The following DLC1 variants were observed in gnomAD, a reference collection of about 807,000 sequenced individuals.
DLC1 encodes the protein rho GTPase-activating protein 7.
A neutral mutation model predicts 140.3 loss-of-function variants in DLC1; 54 were observed. That is an observed-to-expected ratio of 0.38 (90% CI 0.31 to 0.48). The LOEUF is 0.48. DLC1 is among the 20% of genes least tolerant of loss of function. DLC1 has a pLI of 0.96. For missense variants in DLC1, 2,536 were observed against 1,907.0 expected (o/e 1.33, Z -6.14); for synonymous variants, 986 against 728.1 (o/e 1.35, Z -5.70).
chr8:13,278,704 C>CT (rs1414021619), intron 5 of DLC1, among the ~76,000 whole-genome samples: 4 of 152,118 alleles, frequency 2.6e-5, no homozygotes, highest in African/African-American at 9.7e-5. Flanking sequence ...AGCTGATTGT[C>CT]TGAGTCGTGC....
At chr8:13,393,177 C>G (rs1836845701) in intron 4 of DLC1, among the ~76,000 whole-genome samples, 1 of 152,084 alleles carries the variant, frequency 6.6e-6, no homozygotes, top group Admixed American at 6.6e-5. Context: ...CATCTGTCGT[C>G]TATCATTCAT....
intron 5 of DLC1, among the ~76,000 whole-genome samples, chr8:13,177,290 C>G (rs1232905694): frequency 6.6e-6 from 1 of 152,002 alleles, no homozygotes; most frequent in Non-Finnish European, 1.5e-5. Flanking sequence ...TTCTATTGTG[C>G]TAAAAAGTGT....
At chr8:13,502,862 T>A (rs1801883912) in intron 1 of DLC1, among the ~76,000 whole-genome samples, 1 of 152,206 alleles carries the variant, frequency 6.6e-6, no homozygotes, top group African/African-American at 2.4e-5. Flanking sequence ...CATTTCAGGA[T>A]GTTGGTTTTA....
At chr8:13,543,276 T>C (rs186627980) in intron 1 of DLC1, among the ~76,000 whole-genome samples, 199 of 152,332 alleles carry the variant, frequency 1.3e-3, no homozygotes, top group Non-Finnish European at 1.9e-3. Context: ...TTGTAGTCTT[T>C]CGTGAAGTAG....
intron 1 of DLC1, among the ~76,000 whole-genome samples, chr8:13,544,330 A>G (rs1484505797): frequency 6.6e-6 from 1 of 152,166 alleles, no homozygotes; most frequent in Admixed American, 6.5e-5. Flanking sequence ...CATTTTTATC[A>G]GTGATTGTTC....
intron 5 of DLC1, among the ~76,000 whole-genome samples, chr8:13,174,943 A>G (rs1307419528): frequency 6.6e-6 from 1 of 152,138 alleles, no homozygotes. Flanking sequence ...AAGGCAAAGA[A>G]TTGATACTCA....
chr8:13,145,041 T>C (rs1225345328), intron 5 of DLC1, among the ~76,000 whole-genome samples: 1 of 152,200 alleles, frequency 6.6e-6, no homozygotes, highest in Non-Finnish European at 1.5e-5. Context: ...CAAAAGTATT[T>C]ATAAATTATA....
chr8:13,132,913 A>T, intron 5 of DLC1: 1 of 1,578,896 alleles, frequency 6.3e-7, no homozygotes, highest in South Asian at 1.2e-5. Flanking sequence ...TCCCGCGGCC[A>T]GCCCGACGGC....
At position 13,100,627 on chromosome 8, in the gene DLC1, G is replaced by C. The variant is rs1347111336; in HGVS notation, c.1710C>G (p.Ser570=). 6 of 1,613,952 alleles carry C rather than the reference G, an allele frequency of 3.7e-6. No homozygotes were observed. The highest frequency in any genetic ancestry group is 5.1e-6 in the Non-Finnish European group (6 of 1,179,968). ...CGGGGCTGGGGCCGTCCTTCGGGTG[G>C]GAGTCGTCTGGGGACCCAGGGACCA... The part of the protein sequence containing the change: ...QDLVPGSPDD[S]HPKDGPSPGG... The change falls in exon 9 of 18, where the codon TCC becomes TCG. Residue 570 remains serine, a synonymous_variant. Coordinates refer to ENST00000276297, the MANE Select transcript of DLC1 (RefSeq NM_182643.3).
chr8:13,208,866 C>G (rs1252328023), intron 5 of DLC1, among the ~76,000 whole-genome samples: 1 of 151,900 alleles, frequency 6.6e-6, no homozygotes, highest in Non-Finnish European at 1.5e-5. Flanking sequence ...AAAAATGTTT[C>G]TATCAGAAGA....
At chr8:13,405,383 C>A (rs1837479715) in intron 2 of DLC1, among the ~76,000 whole-genome samples, 1 of 152,120 alleles carries the variant, frequency 6.6e-6, no homozygotes, top group Non-Finnish European at 1.5e-5. Context: ...TTTATATTGA[C>A]ATTTATACTT....
chr8:13,443,670 A>AG (rs1049908296), intron 2 of DLC1, among the ~76,000 whole-genome samples: 2 of 151,720 alleles, frequency 1.3e-5, no homozygotes, highest in African/African-American at 4.8e-5. Flanking sequence ...AAAAAAAAAA[A>AG]AAAAAGAAAA....
chr8:13,472,111 T>C (rs1800234845), intron 2 of DLC1, among the ~76,000 whole-genome samples: 1 of 152,242 alleles, frequency 6.6e-6, no homozygotes, highest in South Asian at 2.1e-4. Context: ...AGGCAGTTCC[T>C]GGAATAAAGC....
chr8:13,084,683 G>A lies in DLC1; in HGVS notation c.*1128C>T, dbSNP rs1817410180. 2 of 151,756 alleles carry A rather than the reference G, an allele frequency of 1.3e-5. No homozygotes were observed. Among genetic ancestry groups the A allele is most frequent in the Non-Finnish European group, 1.5e-5 (1 of 67,976 alleles). The allele number at this position is 151,756 out of a possible 1,614,324, so 9.4% of individuals were successfully genotyped here. ...CATAAAACCAGAAAACCTATTTGCT[G>A]ATAAGAACAAGCCCAATGAATAAAC... On this transcript the variant is annotated 3_prime_UTR_variant, in exon 18 of 18. Transcript: ENST00000276297.
chr8:13,397,323 G>A (rs79765744), intron 3 of DLC1, among the ~76,000 whole-genome samples: 5,721 of 152,186 alleles, frequency 0.038, 166 homozygotes, highest in Non-Finnish European at 0.058. Flanking sequence ...GGCAGATATA[G>A]GAAGAGGAGC....
intron 5 of DLC1, among the ~76,000 whole-genome samples, chr8:13,181,685 C>T (rs540495712): frequency 0.016 from 2,455 of 149,376 alleles, 70 homozygotes; most frequent in African/African-American, 0.058. Flanking sequence ...TTTATGGCTG[C>T]GTAGTATTCC....
chr8:13,139,960 T>G (rs1376262048), intron 5 of DLC1, among the ~76,000 whole-genome samples: 1 of 152,226 alleles, frequency 6.6e-6, no homozygotes, highest in Non-Finnish European at 1.5e-5. Context: ...TAGCATTAAG[T>G]ACAGTGCATT....
At chr8:13,134,529 T>A (rs191652994) in intron 5 of DLC1, among the ~76,000 whole-genome samples, 2 of 152,316 alleles carry the variant, frequency 1.3e-5, no homozygotes, top group Admixed American at 6.5e-5. Flanking sequence ...AAGGGCACAA[T>A]TTGTTTTTAA....
At chr8:13,588,088 A>G (rs2117465003) in intron 1 of DLC1, among the ~76,000 whole-genome samples, 1 of 152,220 alleles carries the variant, frequency 6.6e-6, no homozygotes, top group East Asian at 1.9e-4. Flanking sequence ...CTTCAGTTCC[A>G]ATCCCAGTTC....
Sources: allele counts gnomAD v4.1 joint callset (sites outside exome capture counted in the v4.1 genomes callset), GRCh38; gene constraint gnomAD v4.1.1; transcripts MANE v1.5; gene names NCBI Gene and HGNC (gene_info 2026-07-23, HGNC 2026-07-21).